The following MUC7 variants were observed in gnomAD, a reference collection of about 807,000 sequenced individuals.
MUC7 encodes the protein mucin 7, secreted, also known as mucin-7.
A neutral mutation model predicts 2.5 loss-of-function variants in MUC7; 2 were observed. The observed-to-expected ratio is 0.81, with a 90% CI of 0.33 to 2.55. The LOEUF is 2.55. Among genes scored for constraint, MUC7 ranks in the 30% most tolerant of loss-of-function variants. MUC7 has a pLI of 0.11. For synonymous variants in MUC7, 133 were observed against 173.4 expected (o/e 0.77, Z 1.83); for missense variants, 408 against 455.6 (o/e 0.90, Z 0.95).
chr4:70,455,640 A>T (rs1734392200), intron 1 of MUC7, among the ~76,000 whole-genome samples: 2 of 152,182 alleles, frequency 1.3e-5, no homozygotes, highest in South Asian at 4.1e-4. Context: ...TAGTATTTAT[A>T]ATAAAATTTT....
In MUC7 at chr4:70,481,008, C is replaced by T. The variant is rs1456422122; in HGVS notation, c.264C>T (p.His88=). ...PNNPPKFPNP[H]QPPKHPDKNS... is the part of the protein sequence containing the mutation. ...ACCCCCCCAAATTCCCAAATCCTCA[C>T]CAGCCACCTAAACATCCAGATAAAA... Residue 88 remains histidine (H), a synonymous_variant, in exon 3 of 3, where the codon CAC becomes CAT. Coordinates refer to ENST00000304887, the MANE Select transcript of MUC7 (RefSeq NM_152291.3). The T allele has an allele frequency of 3.1e-6, 5 of 1,614,006 alleles. No individual in the cohort carries two copies. The highest frequency in any genetic ancestry group is 1.3e-5 in the African/African-American group (1 of 74,922).
rs140464937 is a variant in MUC7 at position 70,455,791 on chromosome 4, G to A, written c.-92-16424G>A. Among the ~76,000 whole-genome samples, 166 of 152,230 alleles carry A rather than the reference G, an allele frequency of 1.1e-3. 1 individual carries two copies. Among genetic ancestry groups the A allele is most frequent in the African/African-American group, 3.8e-3 (157 of 41,534 alleles). ...CACACGCCACGCCCCTCCCAACTCC[G>A]TATACTTTTAACAACAAAGGAGCAG... is the stretch of plus-strand genomic sequence containing the variant. On this transcript the variant is annotated intron_variant, in intron 1 of 3. Transcript: ENST00000413702.
At chr4:70,470,082 A>G (rs915503498), upstream of MUC7, among the ~76,000 whole-genome samples, 1 of 152,210 alleles carries the variant, frequency 6.6e-6, no homozygotes, top group Non-Finnish European at 1.5e-5. Flanking sequence ...CAGCCATAAA[A>G]AAGGATGAGT....
chr4:70,452,712 G>A (rs1346705413), intron 1 of MUC7, among the ~76,000 whole-genome samples: 1 of 152,112 alleles, frequency 6.6e-6, no homozygotes, highest in East Asian at 1.9e-4. Context: ...TTTAAGATAT[G>A]AGCAGTGTAT....
chr4:70,470,496 A>G (rs1009113961), upstream of MUC7, among the ~76,000 whole-genome samples: 2 of 152,184 alleles, frequency 1.3e-5, no homozygotes, highest in Non-Finnish European at 2.9e-5. Flanking sequence ...ATATGTCCAG[A>G]TATTCTTATA....
At chr4:70,469,669 A>T (rs976454747), upstream of MUC7, among the ~76,000 whole-genome samples, 1 of 152,266 alleles carries the variant, frequency 6.6e-6, no homozygotes, top group Non-Finnish European at 1.5e-5. Flanking sequence ...GCTCATAATC[A>T]CTGGTCATTA....
intron 1 of MUC7, among the ~76,000 whole-genome samples, chr4:70,444,917 G>A (rs1056847809): frequency 6.6e-6 from 1 of 151,906 alleles, no homozygotes; most frequent in Admixed American, 6.6e-5. Flanking sequence ...CCAGGTGTGG[G>A]GGCATGCGCC....
chr4:70,468,937 C>T (rs1030694061), upstream of MUC7, among the ~76,000 whole-genome samples: 1 of 152,102 alleles, frequency 6.6e-6, no homozygotes, highest in Non-Finnish European at 1.5e-5. Context: ...AAAAAAGAAC[C>T]CGTATAGCCA....
chr4:70,463,331 G>C (rs996600282), intron 1 of MUC7, among the ~76,000 whole-genome samples: 1 of 151,998 alleles, frequency 6.6e-6, no homozygotes, highest in Non-Finnish European at 1.5e-5. Flanking sequence ...AAAATCCATT[G>C]GGGCTGGGGG....
chr4:70,431,346 C>A (rs942118827), intron 1 of MUC7, among the ~76,000 whole-genome samples: 1 of 152,028 alleles, frequency 6.6e-6, no homozygotes, highest in Admixed American at 6.6e-5. Context: ...TTACCTTACA[C>A]AAGACAATGT....
At chr4:70,463,516 A>G (rs1410406883) in intron 1 of MUC7, among the ~76,000 whole-genome samples, 1 of 152,160 alleles carries the variant, frequency 6.6e-6, no homozygotes. Flanking sequence ...TATAGTGAGG[A>G]ACAGAAAAAC....
Position 70,482,781 on chromosome 4 carries a change from C to T in MUC7, c.*903C>T, listed in dbSNP as rs370000686. The T allele has an allele frequency of 6.6e-6, 1 of 152,060 alleles. No individual in the cohort carries two copies. The highest frequency in any genetic ancestry group is 2.4e-5 in the African/African-American group (1 of 41,386). The allele number at this position is 152,060 out of a possible 1,614,324, so 9.4% of individuals were successfully genotyped here. A position where few individuals can be genotyped will look rare whatever the true frequency, so the allele number is the denominator to read the frequency against. On this transcript the variant is annotated 3_prime_UTR_variant, in exon 3 of 3. Transcript: ENST00000304887. ...GTATACATTTGAATGTATTTTAAAC[C>T]ATGCCAAACTACTGCTTTAATGTCA...
At chr4:70,448,061 C>T (rs757972999) in intron 1 of MUC7, among the ~76,000 whole-genome samples, 2 of 152,132 alleles carry the variant, frequency 1.3e-5, no homozygotes, top group Non-Finnish European at 2.9e-5. Context: ...CTGTAACTGG[C>T]TTATTTCACT....
chr4:70,447,941 T>C (rs1734185574), intron 1 of MUC7, among the ~76,000 whole-genome samples: 1 of 152,134 alleles, frequency 6.6e-6, no homozygotes, highest in African/African-American at 2.4e-5. Context: ...CAACTCCCCA[T>C]TACCTTCCCA....
intron 1 of MUC7, among the ~76,000 whole-genome samples, chr4:70,434,509 A>C (rs901748404): frequency 1.3e-5 from 2 of 152,116 alleles, no homozygotes; most frequent in African/African-American, 4.8e-5. Context: ...ATTTGCATAG[A>C]GGTGTTTATA....
At chr4:70,439,258 G>A (rs1368335158) in intron 1 of MUC7, among the ~76,000 whole-genome samples, 3 of 152,212 alleles carry the variant, frequency 2.0e-5, no homozygotes, top group Admixed American at 1.3e-4. Context: ...AAGGAGGGAA[G>A]AAGCTTAGCA....
chr4:70,430,974 A>AT (rs1158116650), intron 1 of MUC7, among the ~76,000 whole-genome samples: 3 of 152,110 alleles, frequency 2.0e-5, no homozygotes, highest in African/African-American at 4.8e-5. Flanking sequence ...CTGGCAAATA[A>AT]TTTTTTAACA....
Position 70,482,039 on chromosome 4 carries a change from C to G in MUC7, c.*161C>G. On this transcript the variant is annotated 3_prime_UTR_variant, in exon 3 of 3. Transcript: ENST00000304887. Reference sequence around the variant, plus strand: ...ATCTAATTATTCACCACCACAAGACCTATTAACAAGACAAAATGCCTCTAT... The same window carrying G: ...ATCTAATTATTCACCACCACAAGACGTATTAACAAGACAAAATGCCTCTAT... 1 of 924,730 alleles carries G rather than the reference C, an allele frequency of 1.1e-6. No individual in the cohort carries two copies. The highest frequency in any genetic ancestry group is 1.6e-6 in the Non-Finnish European group (1 of 635,728). The allele number at this position is 924,730 out of a possible 1,614,324, so 57.3% of individuals were successfully genotyped here.
chr4:70,443,632 A>T (rs1734057503), intron 1 of MUC7, among the ~76,000 whole-genome samples: 1 of 152,190 alleles, frequency 6.6e-6, no homozygotes, highest in Non-Finnish European at 1.5e-5. Flanking sequence ...CGGGAAAAAG[A>T]TCAAGACAAA....
Sources: allele counts gnomAD v4.1 joint callset (sites outside exome capture counted in the v4.1 genomes callset), GRCh38; gene constraint gnomAD v4.1.1; transcripts MANE v1.5; gene names NCBI Gene and HGNC (gene_info 2026-07-23, HGNC 2026-07-21).